Variants in PCDHA4 observed in about 807,000 individuals in gnomAD.
PCDHA4 encodes the protein protocadherin alpha-4.
A neutral mutation model predicts 61.4 loss-of-function variants in PCDHA4; 49 were observed. The ratio of observed to expected loss-of-function variants is 0.80; its 90% CI spans 0.63 to 1.01. PCDHA4 has a LOEUF of 1.01. PCDHA4 is among the 50% of genes least tolerant of loss of function. The probability of loss-of-function intolerance (pLI) is 0.00; values close to 1 mark genes in which losing one functional copy is unlikely to be tolerated. For synonymous variants in PCDHA4, 590 were observed against 550.3 expected (o/e 1.07, Z -1.01); for missense variants, 1,254 against 1,235.8 (o/e 1.01, Z -0.22).
At chr5:140,958,301 TA>T (rs2095417556) in intron 1 of PCDHA4, among the ~76,000 whole-genome samples, 1 of 152,248 alleles carries the variant, frequency 6.6e-6, no homozygotes, top group African/African-American at 2.4e-5. Flanking sequence ...TGAACTTAAT[TA>T]AAATAAATTA....
intron 1 of PCDHA4, chr5:140,856,399 T>C (rs782023286): frequency 6.3e-7 from 1 of 1,598,492 alleles, no homozygotes; most frequent in Non-Finnish European, 8.6e-7. Context: ...AGGTTTTCCA[T>C]GTGGACGTGG....
At chr5:140,834,627 G>T (rs1773156912) in intron 1 of PCDHA4, 4 of 1,614,188 alleles carry the variant, frequency 2.5e-6, no homozygotes, top group Non-Finnish European at 3.4e-6. Context: ...TCTGCAGAAT[G>T]GCATTTTGTT....
At chr5:140,966,233 C>T (rs1554228161) in intron 1 of PCDHA4, 1 of 287,374 alleles carries the variant, frequency 3.5e-6, no homozygotes, top group Non-Finnish European at 6.4e-6. Flanking sequence ...CCTTAAAGAC[C>T]CGTTAAGCAG....
At chr5:140,822,983 A>G (rs2150121029) in intron 1 of PCDHA4, 2 of 1,614,216 alleles carry the variant, frequency 1.2e-6, no homozygotes, top group South Asian at 1.1e-5. Context: ...TTCAAGAATT[A>G]CTACTCGTTG....
At chr5:140,873,255 C>T (rs1554166636) in intron 1 of PCDHA4, among the ~76,000 whole-genome samples, 1 of 152,074 alleles carries the variant, frequency 6.6e-6, no homozygotes, top group South Asian at 2.1e-4. Context: ...ATTTCAGACT[C>T]AAAAGTGATT....
rs2150522888 is a variant in PCDHA4 at position 140,852,815 on chromosome 5, T to G, written c.2385+43243T>G. 1.8e-5 allele frequency: 18 copies of G among 973,398 alleles called. No homozygotes were observed. In the East Asian group the frequency reaches 1.4e-3, roughly 74 times the overall value. 60.3% of individuals were successfully genotyped at this position (973,398 alleles called of 1,614,324 possible). On this transcript the variant is annotated intron_variant, in intron 1 of 3. Coordinates refer to ENST00000530339, the MANE Select transcript of PCDHA4 (RefSeq NM_018907.4). ...TACAGATGTCATTTGTCTCCCGCCC[T>G]AAGTCCTCCAGTCTCCTTAGAGCTA...
chr5:140,987,075 G>C (rs564788093), intron 3 of PCDHA4, among the ~76,000 whole-genome samples: 1 of 152,006 alleles, frequency 6.6e-6, no homozygotes, highest in Admixed American at 6.5e-5. Context: ...TGAGCTGGGC[G>C]TGGTGGCAGG....
chr5:140,927,609 C>T (rs1285751413), intron 1 of PCDHA4: 1 of 1,614,076 alleles, frequency 6.2e-7, no homozygotes, highest in Admixed American at 1.7e-5. Flanking sequence ...CCGTATACCG[C>T]ACCAAGGTTC....
chr5:141,008,284 GC>G (rs2098367825), intron 3 of PCDHA4, among the ~76,000 whole-genome samples: 1 of 152,150 alleles, frequency 6.6e-6, no homozygotes, highest in Admixed American at 6.5e-5. Context: ...AATTGAAATA[GC>G]AGTTGTACCC....
intron 1 of PCDHA4, chr5:140,868,886 A>G: frequency 1.4e-6 from 1 of 730,322 alleles, no homozygotes; most frequent in Non-Finnish European, 2.1e-6. Context: ...TCACAGTTTT[A>G]GGCGCAAGGT....
At chr5:140,886,042 A>G (rs1450330062) in intron 1 of PCDHA4, among the ~76,000 whole-genome samples, 1 of 152,222 alleles carries the variant, frequency 6.6e-6, no homozygotes, top group African/African-American at 2.4e-5. Context: ...GTTTTCCCCA[A>G]TAGTAACATC....
intron 1 of PCDHA4, chr5:140,860,306 G>T (rs991442000): frequency 6.6e-6 from 1 of 152,016 alleles, no homozygotes; most frequent in Non-Finnish European, 1.5e-5. Context: ...GCTTGAGCCT[G>T]GGAAGTTGAG....
At chr5:140,871,593 A>G in intron 1 of PCDHA4, 3 of 1,458,668 alleles carry the variant, frequency 2.1e-6, no homozygotes, top group South Asian at 1.5e-5. Context: ...TTTTATGAAT[A>G]ACCAGTGTTT....
At chr5:140,931,471 G>GA (rs1215090719) in intron 1 of PCDHA4, among the ~76,000 whole-genome samples, 9 of 151,796 alleles carry the variant, frequency 5.9e-5, no homozygotes, top group Non-Finnish European at 1.0e-4. Context: ...AATGACAGAG[G>GA]AAAAAACAAC....
At chr5:140,852,945 C>G in intron 1 of PCDHA4, 1 of 522,890 alleles carries the variant, frequency 1.9e-6, no homozygotes, top group Non-Finnish European at 2.5e-6. Context: ...GTGGTGCCAT[C>G]TTGGCTCACT....
chr5:140,915,882 C>T lies in PCDHA4; in HGVS notation c.2386-63067C>T, dbSNP rs181276676. Among the ~76,000 whole-genome samples, 3 of 152,314 alleles carry T rather than the reference C, an allele frequency of 2.0e-5. No homozygotes were observed. In the East Asian group the frequency reaches 5.8e-4, roughly 29 times the overall value. ...GTTTGCATCCTTCCCTTTAGGGTAG[C>T]AAGTTCCCCCTGGCCCTGGGCAGGC... On this transcript the variant is annotated intron_variant, in intron 1 of 3. Coordinates refer to ENST00000530339, the MANE Select transcript of PCDHA4 (RefSeq NM_018907.4).
intron 1 of PCDHA4, chr5:140,828,295 C>G: frequency 6.2e-7 from 1 of 1,614,124 alleles, no homozygotes; most frequent in Non-Finnish European, 8.5e-7. Flanking sequence ...GGATGGCCTC[C>G]AAAGACCGCG....
At chr5:140,830,593 A>C in intron 1 of PCDHA4, 1 of 705,892 alleles carries the variant, frequency 1.4e-6, no homozygotes, top group Non-Finnish European at 2.1e-6. Flanking sequence ...TAATTTTACA[A>C]AATTACATAT....
chr5:140,848,986 AGAACGCC>A (rs2040724980), intron 1 of PCDHA4: 1 of 1,597,958 alleles, frequency 6.3e-7, no homozygotes, highest in African/African-American at 1.4e-5. Flanking sequence ...GATATCGGGG[AGAACGCC>A]CTGCTCACTT....
Sources: gnomAD v4.1 joint callset for allele counts (sites outside exome capture counted in the v4.1 genomes callset) on GRCh38, gnomAD v4.1.1 for gene constraint, MANE v1.5 for transcripts, NCBI Gene and HGNC (gene_info 2026-07-23, HGNC 2026-07-21) for gene names.